The following NRXN1 variants were observed in gnomAD, a reference collection of about 807,000 sequenced individuals.
NRXN1 encodes neurexin 1, also known as neurexin-1.
A neutral mutation model predicts 150.9 loss-of-function variants in NRXN1; 39 were observed. That is an observed-to-expected ratio of 0.26 (90% confidence interval 0.20 to 0.34). The LOEUF (loss-of-function observed/expected upper bound fraction) is 0.34. Ranked by LOEUF, NRXN1 falls within the 10% of genes least tolerant of loss-of-function variation. The pLI is 1.00. For missense variants in NRXN1, 1,815 were observed against 1,949.9 expected, an observed-to-expected ratio of 0.93 and a Z score of 1.30; for synonymous variants, 924 against 757.0, an observed-to-expected ratio of 1.22 and a Z score of -3.62.
At position 50,559,961 on chromosome 2, in the gene NRXN1, C is replaced by T. The variant is rs191791835; in HGVS notation, c.1321-6936G>A. ...TAAAGTTGGTGCTTTCCACAAAAAA[C>T]AACTGTAGCCTCCAAAAATTAGTAT... On this transcript the variant is annotated intron_variant, in intron 8 of 22. Coordinates refer to ENST00000401669, the MANE Select transcript of NRXN1 (RefSeq NM_001330078.2). Among the ~76,000 whole-genome samples, 450 of 152,244 alleles carry T rather than the reference C, an allele frequency of 3.0e-3. 1 individual carries two copies. Among genetic ancestry groups the T allele is most frequent in the African/African-American group, 0.01 (418 of 41,530 alleles).
intron 19 of NRXN1, among the ~76,000 whole-genome samples, chr2:50,084,373 C>T (rs903877988): frequency 6.6e-6 from 1 of 152,136 alleles, no homozygotes. Flanking sequence ...CAGCTAAAGC[C>T]CAGTGAGAAA....
At chr2:50,379,039 G>A (rs1317305753) in intron 17 of NRXN1, among the ~76,000 whole-genome samples, 1 of 151,978 alleles carries the variant, frequency 6.6e-6, no homozygotes, top group Non-Finnish European at 1.5e-5. Context: ...CTGTCATGCA[G>A]CAGGCATTCA....
intron 5 of NRXN1, among the ~76,000 whole-genome samples, chr2:50,776,523 A>G (rs1230682411): frequency 6.6e-6 from 1 of 151,768 alleles, no homozygotes; most frequent in Non-Finnish European, 1.5e-5. Flanking sequence ...ACATCCTTGC[A>G]TATCAACAAT....
intron 5 of NRXN1, among the ~76,000 whole-genome samples, chr2:50,650,534 T>C (rs1305989053): frequency 6.6e-6 from 1 of 152,028 alleles, no homozygotes; most frequent in East Asian, 1.9e-4. Context: ...TTTACCTCAG[T>C]CTTTAATGTC....
intron 6 of NRXN1, 96 bp from the exon 7 acceptor site, chr2:50,621,345 T>C: frequency 1.1e-6 from 1 of 934,598 alleles, no homozygotes; most frequent in Non-Finnish European, 1.6e-6. Context: ...TGTTAGTACA[T>C]TTTTTGATTC....
intron 18 of NRXN1, among the ~76,000 whole-genome samples, chr2:50,190,611 TTC>T (rs1191014257): frequency 7.7e-6 from 1 of 129,758 alleles, no homozygotes; most frequent in Non-Finnish European, 1.7e-5. Context: ...AACTTTTTTT[TTC>T]TTTTTTTTTT....
At chr2:50,233,702 G>C (rs991621187) in intron 18 of NRXN1, among the ~76,000 whole-genome samples, 1 of 151,986 alleles carries the variant, frequency 6.6e-6, no homozygotes, top group Non-Finnish European at 1.5e-5. Context: ...AACTTTTACA[G>C]ATAAAAATGT....
chr2:50,762,325 T>A (rs1701893679), intron 5 of NRXN1, among the ~76,000 whole-genome samples: 1 of 151,858 alleles, frequency 6.6e-6, no homozygotes, highest in Admixed American at 6.6e-5. Flanking sequence ...TCATGTACTT[T>A]TTTAAATTTT....
At chr2:50,589,366 G>A (rs529115915) in intron 8 of NRXN1, 1 of 152,242 alleles carries the variant, frequency 6.6e-6, no homozygotes, top group Non-Finnish European at 1.5e-5. Flanking sequence ...AGAGGCTCCT[G>A]GGTGGGAGTA....
rs200410983 is a variant in NRXN1 at position 51,028,738 on chromosome 2, A to G, written c.-465T>C. 59 of 155,768 alleles carry G rather than the reference A, an allele frequency of 3.8e-4. No homozygotes were observed. Among genetic ancestry groups the G allele is most frequent in the African/African-American group, 1.4e-3 (58 of 41,718 alleles). 9.6% of individuals were successfully genotyped at this position (155,768 alleles called of 1,614,324 possible). On this transcript the variant is annotated 5_prime_UTR_variant, in exon 2 of 23. Coordinates refer to ENST00000401669, the MANE Select transcript of NRXN1 (RefSeq NM_001330078.2). Reference sequence around the variant, plus strand: ...AGCAGTGAGAGTCAGTAAAAAGAAAACACTTTTCTCAAGAAAGTACAGGAA... The same window carrying G: ...AGCAGTGAGAGTCAGTAAAAAGAAAGCACTTTTCTCAAGAAAGTACAGGAA...
At chr2:50,019,929 C>A (rs1313845616) in intron 21 of NRXN1, among the ~76,000 whole-genome samples, 1 of 86,672 alleles carries the variant, frequency 1.2e-5, no homozygotes. Flanking sequence ...GCCTGGGTGA[C>A]AAAGCAAGAC....
rs1447340521 is a variant in NRXN1 at position 50,541,788 on chromosome 2, T to C, written c.1760-3152A>G. On this transcript the variant is annotated intron_variant, in intron 9 of 22. Coordinates refer to ENST00000401669, the MANE Select transcript of NRXN1 (RefSeq NM_001330078.2). ...CTACAGCCTCTGAAGCACTTTGATA[T>C]TTTCTCTCTCATCATATCATTTTAT... Among the ~76,000 whole-genome samples, 5 of 151,364 alleles carry C rather than the reference T, an allele frequency of 3.3e-5. No individual in the cohort carries two copies. The East Asian group carries it at 9.8e-4, about 30-fold the overall frequency.
chr2:50,555,677 G>C (rs1436566281), intron 8 of NRXN1, among the ~76,000 whole-genome samples: 2 of 152,114 alleles, frequency 1.3e-5, no homozygotes, highest in Admixed American at 6.5e-5. Context: ...TTTAAACCTA[G>C]TTTCTAGATT....
chr2:50,760,562 T>C (rs1476381915), intron 5 of NRXN1, among the ~76,000 whole-genome samples: 1 of 151,896 alleles, frequency 6.6e-6, no homozygotes, highest in Non-Finnish European at 1.5e-5. Flanking sequence ...CCTTTTCTAC[T>C]GCCACTCCTT....
At chr2:50,735,677 C>G (rs192431446) in intron 5 of NRXN1, among the ~76,000 whole-genome samples, 2 of 152,114 alleles carry the variant, frequency 1.3e-5, no homozygotes, top group Non-Finnish European at 2.9e-5. Context: ...AGCTATGCTA[C>G]GTCCCTCAAT....
intron 5 of NRXN1, among the ~76,000 whole-genome samples, chr2:50,911,163 G>T (rs1684461836): frequency 6.6e-6 from 1 of 151,908 alleles, no homozygotes; most frequent in Non-Finnish European, 1.5e-5. Flanking sequence ...AACCATCTAT[G>T]AATAGAGCTT....
At chr2:50,697,140 TG>T (rs2104929669) in intron 5 of NRXN1, among the ~76,000 whole-genome samples, 1 of 152,180 alleles carries the variant, frequency 6.6e-6, no homozygotes, top group South Asian at 2.1e-4. Context: ...AGATGGGAAG[TG>T]AAAAAGAGAA....
At chr2:50,535,207 C>T (rs955749006) in intron 10 of NRXN1, among the ~76,000 whole-genome samples, 3 of 152,188 alleles carry the variant, frequency 2.0e-5, no homozygotes, top group African/African-American at 7.2e-5. Flanking sequence ...TGGCAGCATC[C>T]TTGAACACTA....
chr2:50,365,563 T>C (rs1160899274), intron 17 of NRXN1, among the ~76,000 whole-genome samples: 1 of 152,082 alleles, frequency 6.6e-6, no homozygotes, highest in African/African-American at 2.4e-5. Context: ...CATAGCTAAA[T>C]AATAGGTTTT....
Sources: allele counts gnomAD v4.1 joint callset (sites outside exome capture counted in the v4.1 genomes callset), GRCh38; gene constraint gnomAD v4.1.1; transcripts MANE v1.5; gene names NCBI Gene and HGNC (gene_info 2026-07-23, HGNC 2026-07-21).